The following ALPL variants were observed in gnomAD, a reference collection of about 807,000 sequenced individuals.
ALPL encodes alkaline phosphatase, tissue-nonspecific isozyme.
In ALPL, 42 loss-of-function variants were observed where a neutral mutation model predicts 51.3. The observed-to-expected ratio is 0.82, with a 90% confidence interval of 0.64 to 1.06. ALPL has a LOEUF of 1.06. ALPL is among the 50% of genes least tolerant of loss of function. The pLI is 0.00. For missense variants in ALPL, 589 were observed against 709.4 expected, an observed-to-expected ratio of 0.83 and a Z score of 1.93; for synonymous variants, 279 against 296.4, an observed-to-expected ratio of 0.94 and a Z score of 0.60.
intron 7 of ALPL, among the ~76,000 whole-genome samples, chr1:21,568,645 G>A (rs1218873878): frequency 6.6e-6 from 1 of 152,098 alleles, no homozygotes; most frequent in Non-Finnish European, 1.5e-5. Flanking sequence ...TGGGGGGACA[G>A]ATGACAGGGA....
At position 21,564,365 on chromosome 1, in the gene ALPL, G is replaced by A; in HGVS notation, c.648+149G>A. The A allele has an allele frequency of 9.4e-7, 1 of 1,063,356 alleles. No homozygotes were observed. The highest frequency in any genetic ancestry group is 1.3e-6 in the Non-Finnish European group (1 of 746,368). The allele number at this position is 1,063,356 out of a possible 1,614,324, so 65.9% of individuals were successfully genotyped here. On this transcript the variant is annotated intron_variant, in intron 6 of 11. Coordinates refer to ENST00000374840, the MANE Select transcript of ALPL (RefSeq NM_000478.6). The surrounding 1 kb of genome is among the most constrained non-coding windows in gnomAD (Gnocchi z 5.8). Reference sequence around the variant, plus strand: ...CTCCCAGCCCATTAGGGGATTTGCGGTTGGGCAGGCAGGCACTGTGGGATT... The same window carrying A: ...CTCCCAGCCCATTAGGGGATTTGCGATTGGGCAGGCAGGCACTGTGGGATT...
intron 1 of ALPL, among the ~76,000 whole-genome samples, chr1:21,515,425 G>C (rs1007734827): frequency 2.0e-5 from 3 of 152,156 alleles, no homozygotes; most frequent in Admixed American, 6.5e-5. Context: ...GTATCGCTCT[G>C]TTCCCCAGGC....
chr1:21,528,396 G>A (rs1287724729), intron 1 of ALPL, among the ~76,000 whole-genome samples: 4 of 145,932 alleles, frequency 2.7e-5, no homozygotes, highest in East Asian at 2.0e-4. Context: ...CACCCAGGCT[G>A]GAGTGCAGTG....
chr1:21,577,296 A>G lies in ALPL; in HGVS notation c.1310-87A>G. ...CTCTTCTGTGAAATGGGAGCATTCAAGCCAGCCTGGAAGGGAGATGGAAAA... is the reference window on the plus strand; with the variant it reads ...CTCTTCTGTGAAATGGGAGCATTCAGGCCAGCCTGGAAGGGAGATGGAAAA... On this transcript the variant is annotated intron_variant, in intron 11 of 11. Transcript: ENST00000374840. 1.9e-6 allele frequency: 3 copies of G among 1,601,652 alleles called. No individual in the cohort carries two copies. The Admixed American group carries it at 5.0e-5, about 27-fold the overall frequency.
At chr1:21,547,458 C>T (rs1400084384) in intron 1 of ALPL, among the ~76,000 whole-genome samples, 1 of 152,170 alleles carries the variant, frequency 6.6e-6, no homozygotes, top group Non-Finnish European at 1.5e-5. Flanking sequence ...CCTCAGCCTC[C>T]TCCTCCTGGG....
intron 2 of ALPL, among the ~76,000 whole-genome samples, chr1:21,555,795 G>GTTTTTTT (rs1644405313): frequency 6.6e-6 from 1 of 151,668 alleles, no homozygotes; most frequent in Non-Finnish European, 1.5e-5. Context: ...TTTTGAGACA[G>GTTTTTTT]TGTCTCTCTC....
At chr1:21,549,987 A>G (rs1023594861) in intron 1 of ALPL, among the ~76,000 whole-genome samples, 5 of 152,238 alleles carry the variant, frequency 3.3e-5, no homozygotes, top group Admixed American at 2.6e-4. Flanking sequence ...TGGTGTCTTC[A>G]TGACTGGGCA....
chr1:21,509,189 G>A (rs1325424980), upstream of ALPL, among the ~76,000 whole-genome samples: 1 of 151,998 alleles, frequency 6.6e-6, no homozygotes, highest in African/African-American at 2.4e-5. The surrounding 1 kb of genome is among the most constrained non-coding windows in gnomAD (Gnocchi z 6.0). Flanking sequence ...AGTGCGGGGC[G>A]GGCGAGGGAC....
At chr1:21,518,855 C>A (rs1392988497) in intron 1 of ALPL, among the ~76,000 whole-genome samples, 2 of 152,078 alleles carry the variant, frequency 1.3e-5, no homozygotes, top group Non-Finnish European at 2.9e-5. Context: ...GACAGTGGGA[C>A]CACCTGGGCC....
chr1:21,522,188 C>T (rs1167045813), intron 1 of ALPL, among the ~76,000 whole-genome samples: 1 of 151,964 alleles, frequency 6.6e-6, no homozygotes, highest in East Asian at 1.9e-4. Context: ...TCTCCTGCCT[C>T]AACCTCCCCA....
intron 1 of ALPL, among the ~76,000 whole-genome samples, chr1:21,526,656 C>T (rs1467589076): frequency 6.6e-6 from 1 of 151,992 alleles, no homozygotes; most frequent in Non-Finnish European, 1.5e-5. Flanking sequence ...AGGATGTGGT[C>T]TATGTGAAAA....
chr1:21,538,843 C>T (rs1015336759), intron 1 of ALPL, among the ~76,000 whole-genome samples: 13 of 152,160 alleles, frequency 8.5e-5, no homozygotes, highest in African/African-American at 2.2e-4. Flanking sequence ...TACAAGATAC[C>T]GTGCAAAGAT....
intron 1 of ALPL, among the ~76,000 whole-genome samples, chr1:21,521,761 G>T (rs1022020383): frequency 2.6e-5 from 4 of 152,198 alleles, no homozygotes; most frequent in African/African-American, 9.6e-5. Context: ...GAGGTGCCCA[G>T]TGTCATACCT....
At chr1:21,523,651 G>A (rs2148071366) in intron 1 of ALPL, among the ~76,000 whole-genome samples, 1 of 152,342 alleles carries the variant, frequency 6.6e-6, no homozygotes, top group Middle Eastern at 3.4e-3. Context: ...CCTGCCTGGG[G>A]CAGCCCAGCA....
intron 6 of ALPL, among the ~76,000 whole-genome samples, chr1:21,565,917 T>G (rs747288275): frequency 2.0e-5 from 3 of 151,942 alleles, no homozygotes; most frequent in Non-Finnish European, 4.4e-5. Context: ...TTTGGGAGTT[T>G]AATGAGCCCG....
chr1:21,544,331 G>A (rs1362325933), intron 1 of ALPL, among the ~76,000 whole-genome samples: 2 of 152,368 alleles, frequency 1.3e-5, no homozygotes, highest in East Asian at 1.9e-4. Flanking sequence ...AGCTCACCCA[G>A]TGACTTCATT....
At chr1:21,554,807 G>T (rs191396583) in intron 2 of ALPL, among the ~76,000 whole-genome samples, 9,209 of 27,410 alleles carry the variant, frequency 0.34, 633 homozygotes, top group East Asian at 0.42. Flanking sequence ...CTGTCTGTCT[G>T]TCTGTCTGTC....
chr1:21,544,716 A>G (rs1004027068), intron 1 of ALPL, among the ~76,000 whole-genome samples: 4 of 152,252 alleles, frequency 2.6e-5, no homozygotes, highest in African/African-American at 9.6e-5. Flanking sequence ...ACTGCATGCC[A>G]GCCTGGGCGA....
chr1:21,561,246 T>C, intron 4 of ALPL, 34 bp downstream of exon 4: 1 of 1,536,504 alleles, frequency 6.5e-7, no homozygotes, highest in Non-Finnish European at 8.9e-7. Context: ...TTCAGGTCTG[T>C]ATATCCAGTA....
Sources: gnomAD v4.1 joint callset for allele counts (sites outside exome capture counted in the v4.1 genomes callset) on GRCh38, gnomAD v4.1.1 for gene constraint, Gnocchi (gnomAD v3.1) non-coding constraint, MANE v1.5 for transcripts, NCBI Gene and HGNC (gene_info 2026-07-23, HGNC 2026-07-21) for gene names.